Variants in BMP3 observed in about 807,000 individuals in gnomAD.
BMP3 encodes the protein bone morphogenetic protein 3 (osteogenic).
Under a neutral mutation model 38.1 loss-of-function variants are expected in BMP3, and 23 were observed. That is an observed-to-expected ratio of 0.60 (90% CI 0.43 to 0.86). The LOEUF (loss-of-function observed/expected upper bound fraction) is 0.86. BMP3 is among the 40% of genes least tolerant of loss of function. The pLI, the probability that BMP3 is intolerant of heterozygous loss-of-function variation, is 0.00. For synonymous variants in BMP3, 258 were observed against 225.7 expected (o/e 1.14, Z -1.28); for missense variants, 628 against 579.6 (o/e 1.08, Z -0.86).
intron 2 of BMP3, among the ~76,000 whole-genome samples, chr4:81,049,465 A>G (rs1207436925): frequency 2.0e-5 from 3 of 152,188 alleles, no homozygotes; most frequent in African/African-American, 7.2e-5. Flanking sequence ...GAAGGGCATC[A>G]GAACTCCAGG....
At chr4:81,047,670 C>G (rs1338983426) in intron 2 of BMP3, among the ~76,000 whole-genome samples, 1 of 151,916 alleles carries the variant, frequency 6.6e-6, no homozygotes, top group Non-Finnish European at 1.5e-5. Flanking sequence ...TCCTTTGTCT[C>G]AACAAATGAC....
Position 81,046,668 on chromosome 4 carries a change from C to G in BMP3, c.1227+20C>G. On this transcript the variant is annotated intron_variant, in intron 2 of 2. Transcript: ENST00000282701. ...CCAAAGGTAGCCATTGTTCTCTGTC[C>G]TGTACTTACTTCCTATTTCCATTAG... 1 of 1,576,716 alleles carries G rather than the reference C, an allele frequency of 6.3e-7. No homozygotes were observed. Among genetic ancestry groups the G allele is most frequent in the Non-Finnish European group, 8.6e-7 (1 of 1,161,206 alleles).
In BMP3 at chr4:81,038,328, T is replaced by A. The variant is rs79111899; in HGVS notation, c.316+6728T>A. Among the ~76,000 whole-genome samples the A allele has an allele frequency of 9.8e-4, 149 of 152,286 alleles. 2 individuals are homozygous for A. In the East Asian group the frequency reaches 0.027, roughly 28 times the overall value. On this transcript the variant is annotated intron_variant, in intron 1 of 2. Transcript: ENST00000282701. ...AATTTGCTAGAAGAAAAATATGGTA[T>A]GAGCAGGGGCCTACAAAGCAAGTCC... is the stretch of plus-strand genomic sequence containing the variant.
rs184190025 is a variant in BMP3, at chr4:81,035,094, G to A, written c.316+3494G>A. Among the ~76,000 whole-genome samples, 13 of 151,984 alleles carry A rather than the reference G, an allele frequency of 8.6e-5. No individual in the cohort carries two copies. The East Asian group carries it at 2.5e-3, about 29-fold the overall frequency. Reference sequence around the variant, plus strand: ...AGTACATCTGGGGAAGAGGAGATGGGTGTGCAGCTGCTTTGAATTACACAC... The same window carrying A: ...AGTACATCTGGGGAAGAGGAGATGGATGTGCAGCTGCTTTGAATTACACAC... On this transcript the variant is annotated intron_variant, in intron 1 of 2. Transcript: ENST00000282701.
chr4:81,035,508 T>C (rs1369741377), intron 1 of BMP3, among the ~76,000 whole-genome samples: 3 of 152,050 alleles, frequency 2.0e-5, no homozygotes, highest in Non-Finnish European at 4.4e-5. Context: ...AAAAATTAAA[T>C]AGGGACATGA....
rs1249270899 is a variant in BMP3 at position 81,056,584 on chromosome 4, A to G, written c.*3048A>G. On this transcript the variant is annotated 3_prime_UTR_variant, in exon 3 of 3. Transcript: ENST00000282701. ...AATTAAGGGACTGCCAAAGTCAATT[A>G]GAATATTTTAAAAATACTTTGTTGT... 1 of 152,608 alleles carries G rather than the reference A, an allele frequency of 6.6e-6. No individual in the cohort carries two copies. Among genetic ancestry groups the G allele is most frequent in the Non-Finnish European group, 1.5e-5 (1 of 68,032 alleles). The allele number at this position is 152,608 out of a possible 1,614,324, so 9.5% of individuals were successfully genotyped here.
At chr4:81,044,820 A>G (rs969493037) in intron 1 of BMP3, among the ~76,000 whole-genome samples, 1 of 152,206 alleles carries the variant, frequency 6.6e-6, no homozygotes, top group African/African-American at 2.4e-5. Context: ...TTTTCATGGA[A>G]GAATAATATT....
chr4:81,047,820 G>A (rs1740297788), intron 2 of BMP3, among the ~76,000 whole-genome samples: 1 of 151,954 alleles, frequency 6.6e-6, no homozygotes, highest in South Asian at 2.1e-4. Context: ...TGCCCCTGTA[G>A]TTCCAGCTAC....
At chr4:81,040,442 C>T (rs773739878) in intron 1 of BMP3, among the ~76,000 whole-genome samples, 12 of 152,274 alleles carry the variant, frequency 7.9e-5, no homozygotes, top group Admixed American at 1.3e-4. Context: ...CTAAGTAAAA[C>T]AGTTTGAAAG....
chr4:81,036,940 A>G (rs891362785), intron 1 of BMP3, among the ~76,000 whole-genome samples: 42 of 152,144 alleles, frequency 2.8e-4, no homozygotes, highest in African/African-American at 1.0e-3. Context: ...CATGTAGATC[A>G]TAGAATCAAA....
rs929858550 is a variant in BMP3 at position 81,054,843 on chromosome 4, G to A, written c.*1307G>A. On this transcript the variant is annotated 3_prime_UTR_variant, in exon 3 of 3. Coordinates refer to ENST00000282701, the MANE Select transcript of BMP3 (RefSeq NM_001201.5). The stretch of plus-strand genomic sequence containing the variant: ...TATTTGTGTGATGGAAATGCTTTCA[G>A]GCCGTAGATCATTGTTGGTGTTAAT... The A allele has an allele frequency of 1.3e-5, 2 of 152,044 alleles. No homozygotes were observed. Among genetic ancestry groups the A allele is most frequent in the Non-Finnish European group, 2.9e-5 (2 of 67,990 alleles). 9.4% of individuals were successfully genotyped at this position (152,044 alleles called of 1,614,324 possible).
In BMP3 at chr4:81,056,833, A is replaced by C. The variant is rs1235550448; in HGVS notation, c.*3297A>C. 1 of 152,584 alleles carries C rather than the reference A, an allele frequency of 6.6e-6. No individual in the cohort carries two copies. Among genetic ancestry groups the C allele is most frequent in the African/African-American group, 2.4e-5 (1 of 41,464 alleles). The allele number at this position is 152,584 out of a possible 1,614,324, so 9.5% of individuals were successfully genotyped here. A position where few individuals can be genotyped will look rare whatever the true frequency, so the allele number is the denominator to read the frequency against. On this transcript the variant is annotated 3_prime_UTR_variant, in exon 3 of 3. Coordinates refer to ENST00000282701, the MANE Select transcript of BMP3 (RefSeq NM_001201.5). ...ATATTTTCATAGGCAATCAAATGTG[A>C]GTAATACTGCTAAGAGTCTGATTTA...
At chr4:81,047,434 T>A (rs1279448135) in intron 2 of BMP3, among the ~76,000 whole-genome samples, 1 of 152,122 alleles carries the variant, frequency 6.6e-6, no homozygotes, top group Admixed American at 6.6e-5. Flanking sequence ...CTCTTTGAAT[T>A]TACAGTTTAA....
At chr4:81,045,408 T>C (rs1740202545) in intron 1 of BMP3, among the ~76,000 whole-genome samples, 1 of 152,204 alleles carries the variant, frequency 6.6e-6, no homozygotes, top group Non-Finnish European at 1.5e-5. Context: ...ATGGAAGTTG[T>C]CTTTTCACTT....
rs1350096640 is a variant in BMP3 at position 81,045,826 on chromosome 4, T to C, written c.405T>C (p.Cys135=). Residue 135 remains cysteine, a synonymous_variant, in exon 2 of 3, where the codon TGT becomes TGC. Transcript: ENST00000282701. ...TTTTGTCTGCCACACTGTATTTCTG[T>C]ATTGGAGAGCTAGGAAACATCAGCC... ...ENILSATLYF[C]IGELGNISLS... is the part of the protein sequence containing the mutation. 1.9e-6 allele frequency: 3 copies of C among 1,613,998 alleles called. No homozygotes were observed. The highest frequency in any genetic ancestry group is 4.5e-5 in the East Asian group (2 of 44,902).
intron 2 of BMP3, among the ~76,000 whole-genome samples, chr4:81,049,801 G>A (rs1028120741): frequency 9.2e-5 from 14 of 152,122 alleles, no homozygotes; most frequent in African/African-American, 3.4e-4. Flanking sequence ...TATAGTCTAA[G>A]CAACAGAGGA....
intron 2 of BMP3, among the ~76,000 whole-genome samples, chr4:81,051,208 AC>A (rs1177824706): frequency 6.7e-6 from 1 of 150,136 alleles, no homozygotes; most frequent in Non-Finnish European, 1.5e-5. Context: ...CCTAGGAAAC[AC>A]CCATGAATAT....
chr4:81,055,394 A>G lies in BMP3; in HGVS notation c.*1858A>G, dbSNP rs999143050. ...GTGAGTGAGACACACCAGTTCTAAA[A>G]AAAATGAGTGAAGTTCTGGTGCCTG... On this transcript the variant is annotated 3_prime_UTR_variant, in exon 3 of 3. Transcript: ENST00000282701. The G allele has an allele frequency of 3.9e-5, 6 of 152,198 alleles. No homozygotes were observed. Among genetic ancestry groups the G allele is most frequent in the African/African-American group, 1.4e-4 (6 of 41,462 alleles). The allele number at this position is 152,198 out of a possible 1,614,324, so 9.4% of individuals were successfully genotyped here. A position where few individuals can be genotyped will look rare whatever the true frequency, so the allele number is the denominator to read the frequency against.
chr4:81,035,562 T>C (rs1216149695), intron 1 of BMP3, among the ~76,000 whole-genome samples: 1 of 152,112 alleles, frequency 6.6e-6, no homozygotes, highest in African/African-American at 2.4e-5. Flanking sequence ...TATAATTTTA[T>C]ATTTGGAAGA....
Sources: gnomAD v4.1 joint callset for allele counts (sites outside exome capture counted in the v4.1 genomes callset) on GRCh38, gnomAD v4.1.1 for gene constraint, MANE v1.5 for transcripts, NCBI Gene and HGNC (gene_info 2026-07-23, HGNC 2026-07-21) for gene names.